Variants in MGST2 observed in about 807,000 individuals in gnomAD.
The protein encoded by MGST2 is glutathione peroxidase MGST2.
MGST2 carries 9 observed loss-of-function variants against 16.6 expected under a neutral mutation model. The observed-to-expected ratio is 0.54, with a 90% CI of 0.33 to 0.95. The LOEUF is 0.95. Among genes scored for constraint, MGST2 ranks in the 40% least tolerant of loss-of-function variants. The pLI, the probability that MGST2 is intolerant of heterozygous loss-of-function variation, is 0.03. For synonymous variants in MGST2, 79 were observed against 68.0 expected (o/e 1.16, Z -0.79); for missense variants, 159 against 175.1 (o/e 0.91, Z 0.52).
At chr4:139,691,363 G>T (rs1375561600) in intron 2 of MGST2, among the ~76,000 whole-genome samples, 1 of 152,200 alleles carries the variant, frequency 6.6e-6, no homozygotes, top group Non-Finnish European at 1.5e-5. Flanking sequence ...TCATGTCAAT[G>T]AAACTGTAAT....
intron 5 of MGST2, among the ~76,000 whole-genome samples, chr4:139,733,788 A>C (rs1343615041): frequency 5.9e-5 from 9 of 152,100 alleles, no homozygotes; most frequent in Non-Finnish European, 1.3e-4. Context: ...GGGCTCAAGC[A>C]ATCTTCCTGC....
At chr4:139,693,550 C>T (rs1449033878) in intron 2 of MGST2, among the ~76,000 whole-genome samples, 4 of 152,092 alleles carry the variant, frequency 2.6e-5, no homozygotes, top group Non-Finnish European at 4.4e-5. Context: ...TTATTCCTTG[C>T]ATAGCCGTAA....
chr4:139,704,125 A>G lies in MGST2; in HGVS notation c.421A>G (p.Lys141Glu). The G allele has an allele frequency of 6.2e-7, 1 of 1,614,232 alleles. No homozygotes were observed. Reference sequence around the variant, plus strand: ...TGAATATCTGGACCTCAATATTGCCAAGAAACTGAGGCGGCAATTCTAACT... The same window carrying G: ...TGAATATCTGGACCTCAATATTGCCGAGAAACTGAGGCGGCAATTCTAACT... The part of the protein sequence containing the change: ...LDEYLDLNIA[K>E]KLRRQF Residue 141 changes from lysine to glutamate, a missense_variant, in exon 5 of 5, where the codon AAG becomes GAG. By Grantham distance (56) the Lys-to-Glu change is moderately conservative. Coordinates refer to ENST00000265498, the MANE Select transcript of MGST2 (RefSeq NM_002413.5).
chr4:139,740,988 G>A (rs1211610066), downstream of MGST2, among the ~76,000 whole-genome samples: 2 of 152,166 alleles, frequency 1.3e-5, no homozygotes, highest in Admixed American at 6.5e-5. Context: ...CTGCTCTGCC[G>A]GTTTCCCGAC....
intron 1 of MGST2, among the ~76,000 whole-genome samples, chr4:139,674,981 G>A (rs1487995177): frequency 6.6e-6 from 1 of 152,066 alleles, no homozygotes; most frequent in Non-Finnish European, 1.5e-5. Flanking sequence ...AGGGAATGGT[G>A]GTCAGAATTC....
chr4:139,665,885 C>A lies in MGST2; in HGVS notation c.-135C>A. On this transcript the variant is annotated 5_prime_UTR_variant, in exon 1 of 5. Coordinates refer to ENST00000265498, the MANE Select transcript of MGST2 (RefSeq NM_002413.5). Reference sequence around the variant, plus strand: ...CTGACTTCTGTTCCAGAGCAAAGGTCATTCAGCCGCTTGAATCAGCCTTTT... The same window carrying A: ...CTGACTTCTGTTCCAGAGCAAAGGTAATTCAGCCGCTTGAATCAGCCTTTT... The A allele has an allele frequency of 1.2e-6, 1 of 842,012 alleles. No homozygotes were observed. The highest frequency in any genetic ancestry group is 1.4e-5 in the South Asian group (1 of 69,678). 52.2% of individuals were successfully genotyped at this position (842,012 alleles called of 1,614,324 possible).
At chr4:139,708,381 G>A (rs1465646887), downstream of MGST2, among the ~76,000 whole-genome samples, 2 of 152,104 alleles carry the variant, frequency 1.3e-5, no homozygotes, top group African/African-American at 4.8e-5. Flanking sequence ...GTAGATATGC[G>A]GCATTATTTC....
At chr4:139,670,121 C>T (rs896781692) in intron 1 of MGST2, among the ~76,000 whole-genome samples, 1 of 152,072 alleles carries the variant, frequency 6.6e-6, no homozygotes, top group Non-Finnish European at 1.5e-5. Context: ...CAGAGGACTG[C>T]CCAGCTGCAT....
Position 139,719,125 on chromosome 4 carries a change from T to G in MGST2, c.*48+14929T>G, listed in dbSNP as rs3822043. On this transcript the variant is annotated intron_variant, in intron 5 of 5. Transcript: ENST00000616265. ...GATCTGCATGGCGTCTCATCTCGAT[T>G]GCTGTGTGAAAATCAGGTGAAATGA... 484 of 594,832 alleles carry G rather than the reference T, an allele frequency of 8.1e-4. 8 individuals carry two copies. The East Asian group carries it at 0.01, about 13-fold the overall frequency. 36.8% of individuals were successfully genotyped at this position (594,832 alleles called of 1,614,324 possible). A position where few individuals can be genotyped will look rare whatever the true frequency, so the allele number is the denominator to read the frequency against.
At chr4:139,725,703 G>A (rs768728748) in intron 5 of MGST2, 8 of 1,559,034 alleles carry the variant, frequency 5.1e-6, no homozygotes, top group South Asian at 2.2e-5. Flanking sequence ...ATTCACTTAC[G>A]CTTCACCACT....
chr4:139,729,658 C>G (rs960665510), intron 5 of MGST2, among the ~76,000 whole-genome samples: 4 of 152,072 alleles, frequency 2.6e-5, no homozygotes, highest in African/African-American at 4.8e-5. Context: ...TCAGGCCTTT[C>G]CCTAGGATAA....
At position 139,739,702 on chromosome 4, in the gene MGST2, G is replaced by A. The variant is rs998934503; in HGVS notation, c.*49-510G>A. 4.7e-4 allele frequency among the ~76,000 whole-genome samples: 44 copies of A among 94,472 alleles called. 1 individual carries two copies. In the East Asian group the frequency reaches 9.7e-3, roughly 21 times the overall value. The allele number at this position is 94,472 out of a possible 152,430, so 62.0% of individuals were successfully genotyped here. Reference sequence around the variant, plus strand: ...CAGTTTTTTTTTTTTTTTCTTTTATGTCCTCAGGTGTTAAAACTAAAAAAA... The same window carrying A: ...CAGTTTTTTTTTTTTTTTCTTTTATATCCTCAGGTGTTAAAACTAAAAAAA... On this transcript the variant is annotated intron_variant, in intron 5 of 5. Coordinates refer to the MGST2 transcript ENST00000616265.
chr4:139,747,993 G>A, the MGST2 span, among the ~76,000 whole-genome samples: 1 of 142,704 alleles, frequency 7.0e-6, no homozygotes, highest in Non-Finnish European at 1.5e-5. Context: ...GGTGGAGGTT[G>A]CAGTGAGCCA....
At chr4:139,680,124 T>A (rs906535199) in intron 2 of MGST2, among the ~76,000 whole-genome samples, 1 of 152,256 alleles carries the variant, frequency 6.6e-6, no homozygotes, top group Admixed American at 6.5e-5. Context: ...AGTTGGCTTC[T>A]TTTTATGGAA....
chr4:139,718,163 GA>G (rs1728068183), intron 5 of MGST2: 1 of 152,024 alleles, frequency 6.6e-6, no homozygotes, highest in African/African-American at 2.4e-5. Flanking sequence ...GGGGATATCA[GA>G]AATATCAGAT....
chr4:139,666,801 T>C (rs8192010), intron 1 of MGST2, among the ~76,000 whole-genome samples: 4,250 of 152,214 alleles, frequency 0.028, 175 homozygotes, highest in African/African-American at 0.089. Flanking sequence ...TATTTCCAAG[T>C]ATGCCTGTAC....
intron 2 of MGST2, among the ~76,000 whole-genome samples, chr4:139,694,853 T>TA: frequency 6.6e-6 from 1 of 152,358 alleles, no homozygotes; most frequent in South Asian, 2.1e-4. Context: ...AGGGAATTTT[T>TA]AAAATAAGAA....
chr4:139,681,131 C>T (rs1196752952), intron 2 of MGST2, among the ~76,000 whole-genome samples: 2 of 152,166 alleles, frequency 1.3e-5, no homozygotes, highest in Non-Finnish European at 2.9e-5. Context: ...ATCCTCCTAC[C>T]TCTGCCTCCT....
chr4:139,720,040 C>T (rs1314335065), intron 5 of MGST2: 2 of 1,614,080 alleles, frequency 1.2e-6, no homozygotes, highest in Non-Finnish European at 1.7e-6. Context: ...CAGGTTGCCT[C>T]GGTCCCTGGG....
Sources: gnomAD v4.1 joint callset for allele counts (sites outside exome capture counted in the v4.1 genomes callset) on GRCh38, gnomAD v4.1.1 for gene constraint, MANE v1.5 for transcripts, NCBI Gene and HGNC (gene_info 2026-07-23, HGNC 2026-07-21) for gene names.